The following ABCB9 variants were observed in gnomAD, a reference collection of about 807,000 sequenced individuals.
ABCB9 encodes ABC-type oligopeptide transporter ABCB9.
ABCB9 carries 36 observed loss-of-function variants against 62.0 expected under a neutral mutation model. The observed-to-expected ratio is 0.58, with a 90% CI of 0.45 to 0.77. ABCB9 has a LOEUF of 0.77. ABCB9 is among the 30% of genes least tolerant of loss of function. The probability of loss-of-function intolerance (pLI) is 0.00; values close to 1 mark genes in which losing one functional copy is unlikely to be tolerated. For synonymous variants in ABCB9, 435 were observed against 461.4 expected (o/e 0.94, Z 0.73); for missense variants, 943 against 1,054.7 (o/e 0.89, Z 1.47).
intron 1 of ABCB9, among the ~76,000 whole-genome samples, chr12:122,965,605 C>T (rs979594257): frequency 6.6e-6 from 1 of 152,198 alleles, no homozygotes; most frequent in Non-Finnish European, 1.5e-5. Context: ...GCGAGGTGCC[C>T]TCCCTCCAAG....
In ABCB9 at chr12:122,944,646, C is replaced by T. The variant is rs1032905153; in HGVS notation, c.1252-127G>A. ...CCCAGCCACAAACTGAAATGCCGGCCGTTGGCAGGGGTGTCTTCCAAGGCT... is the reference window on the plus strand; with the variant it reads ...CCCAGCCACAAACTGAAATGCCGGCTGTTGGCAGGGGTGTCTTCCAAGGCT... On this transcript the variant is annotated intron_variant, in intron 6 of 11. Coordinates refer to ENST00000280560, the MANE Select transcript of ABCB9 (RefSeq NM_019625.4). The surrounding 1 kb of genome is among the most constrained non-coding windows in gnomAD (Gnocchi z 4.9). 14 of 1,367,010 alleles carry T rather than the reference C, an allele frequency of 1.0e-5. No homozygotes were observed. The highest frequency in any genetic ancestry group is 5.5e-5 in the South Asian group (4 of 73,338). 84.7% of individuals were successfully genotyped at this position (1,367,010 alleles called of 1,614,324 possible). A position where few individuals can be genotyped will look rare whatever the true frequency, so the allele number is the denominator to read the frequency against.
At position 122,953,503 on chromosome 12, in the gene ABCB9, T is replaced by G. The variant is rs147843486; in HGVS notation, c.602-2938A>C. On this transcript the variant is annotated intron_variant, in intron 2 of 11. Coordinates refer to ENST00000280560, the MANE Select transcript of ABCB9 (RefSeq NM_019625.4). ...CCTGGGTTCAAGTGATTGTCCTGCC[T>G]CAGCCTCCCGAGTAGCTGGGATTAC... 3.8e-3 allele frequency among the ~76,000 whole-genome samples: 583 copies of G among 152,326 alleles called. 1 individual carries two copies. Among genetic ancestry groups the G allele is most frequent in the Non-Finnish European group, 6.3e-3 (431 of 68,032 alleles).
intron 2 of ABCB9, among the ~76,000 whole-genome samples, chr12:122,955,787 C>T (rs149460209): frequency 2.0e-5 from 3 of 151,254 alleles, no homozygotes; most frequent in Non-Finnish European, 4.4e-5. Context: ...TCCCAGCTAA[C>T]TGCAGCCTCC....
At chr12:122,962,679 T>TA in intron 1 of ABCB9, among the ~76,000 whole-genome samples, 1 of 152,250 alleles carries the variant, frequency 6.6e-6, no homozygotes, top group Non-Finnish European at 1.5e-5. Context: ...TCCACCTGTC[T>TA]ACTGCATGCC....
At position 122,940,124 on chromosome 12, in the gene ABCB9, T is replaced by C; in HGVS notation, c.1730A>G (p.Tyr577Cys). 6.2e-7 allele frequency: 1 copy of C among 1,611,704 alleles called. No individual in the cohort carries two copies. Among genetic ancestry groups the C allele is most frequent in the Non-Finnish European group, 8.5e-7 (1 of 1,179,106 alleles). Residue 577 changes from tyrosine (Y) to cysteine (C), a missense_variant, in exon 9 of 12, where the codon TAC becomes TGC. Transcript: ENST00000280560. This position sits in a 1 kb window ranked among gnomAD's most constrained non-coding sequence, Gnocchi z 4.8. ...GKPISAYDHK[Y>C]LHRVISLVSQ... ...CCGTGCACATACCACACGGTGCAAG[T>C]ACTTGTGGTCGTAGGCGCTGATGGG...
At chr12:122,921,042 A>T (rs2034733900) in exon 12 of ABCB9, 1 of 1,535,294 alleles carries the variant, frequency 6.5e-7, no homozygotes, top group African/African-American at 1.4e-5. Flanking sequence ...GGTCATTCAG[A>T]TCTAAGAAGA....
At chr12:122,939,064 A>AG (rs1484726773) in intron 9 of ABCB9, among the ~76,000 whole-genome samples, 1 of 151,186 alleles carries the variant, frequency 6.6e-6, no homozygotes, top group Non-Finnish European at 1.5e-5. Context: ...CCCAGCTACT[A>AG]GGGGGGCTGA....
intron 7 of ABCB9, 52 bp from the exon 8 acceptor site, chr12:122,941,047 C>A (rs1262140132): frequency 1.3e-6 from 2 of 1,507,280 alleles, no homozygotes; most frequent in Non-Finnish European, 1.8e-6. Flanking sequence ...ACTCCTGGGA[C>A]CCACCCCTGC....
Position 122,932,161 on chromosome 12 carries a change from C to G in ABCB9, c.2040+31G>C. The G allele has an allele frequency of 6.4e-7, 1 of 1,551,000 alleles. No homozygotes were observed. The highest frequency in any genetic ancestry group is 1.2e-5 in the South Asian group (1 of 84,032). On this transcript the variant is annotated intron_variant, in intron 11 of 11. Transcript: ENST00000280560. This position sits in a 1 kb window ranked among gnomAD's most constrained non-coding sequence, Gnocchi z 4.7. ...CTCTGGCCACCTGGAGCCGCTCCTG[C>G]CCCCGCATTGCCCACCACCCTGTGA...
At chr12:122,924,445 G>T, downstream of ABCB9, 1 of 329,420 alleles carries the variant, frequency 3.0e-6, no homozygotes, top group South Asian at 5.1e-5. Context: ...GCCCATGGCA[G>T]CCTCAAACTC....
At chr12:122,975,089 A>G (rs2037367828) in exon 1 of ABCB9, 2 of 493,362 alleles carry the variant, frequency 4.1e-6, no homozygotes, top group Admixed American at 6.8e-5. Context: ...CCGGCCCAGG[A>G]GCATCTTTCT....
intron 11 of ABCB9, chr12:122,921,151 A>T: frequency 8.9e-7 from 1 of 1,129,654 alleles, no homozygotes; most frequent in Non-Finnish European, 1.3e-6. Context: ...GTGATGGGGC[A>T]CACCTGTAAT....
chr12:122,925,370 T>C (rs954608009), downstream of ABCB9, among the ~76,000 whole-genome samples: 1 of 152,166 alleles, frequency 6.6e-6, no homozygotes, highest in African/African-American at 2.4e-5. Context: ...CCTCAAAACG[T>C]TGAGCACAGA....
chr12:122,962,623 G>T (rs982497390), intron 1 of ABCB9, among the ~76,000 whole-genome samples: 2 of 152,222 alleles, frequency 1.3e-5, no homozygotes, highest in Admixed American at 6.5e-5. Flanking sequence ...CCCAAGCCAG[G>T]ATGACTTGAG....
chr12:122,973,718 G>C (rs1370713465), intron 1 of ABCB9, among the ~76,000 whole-genome samples: 1 of 151,274 alleles, frequency 6.6e-6, no homozygotes, highest in Non-Finnish European at 1.5e-5. Context: ...AAAATTAGCC[G>C]GGTGTGGTGG....
In ABCB9 at chr12:122,964,687, G is replaced by A. The variant is rs1011081723; in HGVS notation, c.-88+1600C>T. Among the ~76,000 whole-genome samples, 2 of 152,256 alleles carry A rather than the reference G, an allele frequency of 1.3e-5. No homozygotes were observed. Among genetic ancestry groups the A allele is most frequent in the African/African-American group, 4.8e-5 (2 of 41,464 alleles). On this transcript the variant is annotated intron_variant, in intron 1 of 11. Transcript: ENST00000280560. This position sits in a 1 kb window ranked among gnomAD's most constrained non-coding sequence, Gnocchi z 4.7. ...AGGATGCGCTGGGCTCGGCCAGGTG[G>A]AGCTGGAGGGCAAATTGTGAGCACA...
At chr12:122,961,892 C>T (rs1366149601) in intron 1 of ABCB9, among the ~76,000 whole-genome samples, 2 of 152,232 alleles carry the variant, frequency 1.3e-5, no homozygotes, top group Non-Finnish European at 2.9e-5. Context: ...CAACCATATA[C>T]AGTGTGTGCT....
upstream of ABCB9, among the ~76,000 whole-genome samples, chr12:122,967,779 T>C (rs1190400462): frequency 2.0e-5 from 3 of 152,242 alleles, no homozygotes; most frequent in Non-Finnish European, 4.4e-5. Flanking sequence ...GTGAGCCATG[T>C]GTGCCCAGCC....
chr12:122,946,120 C>T lies in ABCB9; in HGVS notation c.1156G>A (p.Glu386Lys). The T allele has an allele frequency of 1.2e-6, 2 of 1,614,160 alleles. No homozygotes were observed. The highest frequency in any genetic ancestry group is 2.2e-5 in the East Asian group (1 of 44,880). ...TTCCGCAGGTACACCTCTGCCTCCT[C>T]CTCCTCATTGGCGAAGCTCCGGACA... is the stretch of plus-strand genomic sequence containing the variant. ...KTVRSFANEE[E>K]EAEVYLRKLQ... The change falls in exon 6 of 12, where the codon GAG becomes AAG. Residue 386 changes from glutamate to lysine, a missense_variant. Transcript: ENST00000280560.
Sources: gnomAD v4.1 joint callset for allele counts (sites outside exome capture counted in the v4.1 genomes callset) on GRCh38, gnomAD v4.1.1 for gene constraint, Gnocchi (gnomAD v3.1) non-coding constraint, MANE v1.5 for transcripts, NCBI Gene and HGNC (gene_info 2026-07-23, HGNC 2026-07-21) for gene names.